The following SLC47A2 variants were observed in gnomAD, a reference collection of about 807,000 sequenced individuals.
SLC47A2 encodes the protein solute carrier family 47 member 2, also known as multidrug and toxin extrusion protein 2.
Under a neutral mutation model 67.7 loss-of-function variants are expected in SLC47A2, and 52 were observed. That is an observed-to-expected ratio of 0.77 (90% confidence interval 0.61 to 0.97). The LOEUF (loss-of-function observed/expected upper bound fraction) is 0.97. Among genes scored for constraint, SLC47A2 ranks in the 50% least tolerant of loss-of-function variants. The probability of loss-of-function intolerance (pLI) is 0.00; values close to 1 mark genes in which losing one functional copy is unlikely to be tolerated. For missense variants in SLC47A2, 676 were observed against 712.3 expected (o/e 0.95, Z 0.58); for synonymous variants, 278 against 292.9 (o/e 0.95, Z 0.52).
At chr17:19,694,172 A>G (rs1470026286) in intron 13 of SLC47A2, among the ~76,000 whole-genome samples, 3 of 152,336 alleles carry the variant, frequency 2.0e-5, no homozygotes, top group East Asian at 3.9e-4. Context: ...GGAGGCCTCA[A>G]TATTGTTAAG....
chr17:19,702,460 G>C (rs932324953), intron 13 of SLC47A2, 145 bp downstream of exon 13: 13 of 1,453,556 alleles, frequency 8.9e-6, no homozygotes, highest in Middle Eastern at 4.5e-4. Context: ...ACTATTATCA[G>C]CAAATACTTT....
chr17:19,707,942 A>T, intron 7 of SLC47A2, 99 bp from the exon 8 acceptor site: 1 of 1,130,390 alleles, frequency 8.8e-7, no homozygotes, highest in Non-Finnish European at 1.3e-6. Context: ...CGTGTGGGGC[A>T]GGCATGGCTC....
At chr17:19,712,571 T>C in intron 5 of SLC47A2, 132 bp downstream of exon 5, 1 of 875,880 alleles carries the variant, frequency 1.1e-6, no homozygotes, top group East Asian at 2.6e-5. Context: ...ACGGGAACTT[T>C]TGTCAGTCAC....
intron 13 of SLC47A2, among the ~76,000 whole-genome samples, chr17:19,690,809 A>G (rs1212813376): frequency 6.6e-6 from 1 of 152,024 alleles, no homozygotes. Context: ...GATGCTAGGG[A>G]GGACATGAAG....
chr17:19,681,507 A>G, intron 14 of SLC47A2, 31 bp downstream of exon 14: 1 of 1,614,192 alleles, frequency 6.2e-7, no homozygotes, highest in Non-Finnish European at 8.5e-7. Flanking sequence ...ACGACCACCC[A>G]GGCCTCTCCC....
intron 13 of SLC47A2, among the ~76,000 whole-genome samples, chr17:19,687,307 T>C (rs1246556310): frequency 2.0e-5 from 3 of 152,158 alleles, no homozygotes; most frequent in Non-Finnish European, 4.4e-5. Context: ...AGAGAGTTTA[T>C]AGGAATAAAC....
rs2085317982 is a variant in SLC47A2 at position 19,681,662 on chromosome 17, A to G, written c.1173T>C (p.Tyr391=). 2.5e-6 allele frequency: 4 copies of G among 1,612,592 alleles called. No homozygotes were observed. The highest frequency in any genetic ancestry group is 2.7e-5 in the African/African-American group (2 of 75,030). ...FHVFEAICCV[Y]GGVLRGTGKQ... ...TCCCAGTTCCTCTCAGAACTCCGCCATAGACACACTAGGAGGGGAGACAGA... is the reference window on the plus strand; with the variant it reads ...TCCCAGTTCCTCTCAGAACTCCGCCGTAGACACACTAGGAGGGGAGACAGA... The change falls in exon 14 of 17, where the codon TAT becomes TAC. Residue 391 remains tyrosine (Y), a synonymous_variant. Transcript: ENST00000433844.
At chr17:19,716,336 A>G in intron 1 of SLC47A2, 97 bp downstream of exon 1, 4 of 1,466,154 alleles carry the variant, frequency 2.7e-6, no homozygotes, top group Non-Finnish European at 3.6e-6. Flanking sequence ...TTCTGGGGAA[A>G]ATGTGAGCAC....
At chr17:19,691,756 T>C (rs981964654) in intron 13 of SLC47A2, among the ~76,000 whole-genome samples, 1 of 152,252 alleles carries the variant, frequency 6.6e-6, no homozygotes, top group Non-Finnish European at 1.5e-5. Context: ...TTGGATTGAT[T>C]GTAGCACAAA....
chr17:19,709,444 T>C (rs1191607246), intron 5 of SLC47A2, among the ~76,000 whole-genome samples: 1 of 152,166 alleles, frequency 6.6e-6, no homozygotes, highest in Non-Finnish European at 1.5e-5. Context: ...ATTTTCAGCA[T>C]AGTGTACTGA....
At chr17:19,709,658 TA>T (rs2086043784) in intron 5 of SLC47A2, among the ~76,000 whole-genome samples, 1 of 152,200 alleles carries the variant, frequency 6.6e-6, no homozygotes, top group South Asian at 2.1e-4. Flanking sequence ...GCAAAGTGCT[TA>T]CCAAATGATA....
At chr17:19,704,265 A>G in intron 10 of SLC47A2, 87 bp from the exon 11 acceptor site, 3 of 1,082,314 alleles carry the variant, frequency 2.8e-6, no homozygotes, top group Admixed American at 2.5e-5. Flanking sequence ...GAGGGACGTG[A>G]GCGGGAAGGC....
chr17:19,708,938 C>T (rs959365913), intron 5 of SLC47A2, among the ~76,000 whole-genome samples, 178 bp from the exon 6 acceptor site: 5 of 152,244 alleles, frequency 3.3e-5, no homozygotes, highest in East Asian at 1.9e-4. Flanking sequence ...GACTCATGCT[C>T]GGGCCCAGCC....
At chr17:19,715,028 C>G in intron 2 of SLC47A2, 88 bp downstream of exon 2, 6 of 1,437,282 alleles carry the variant, frequency 4.2e-6, no homozygotes, top group Non-Finnish European at 5.8e-6. Flanking sequence ...CCATCCCTGA[C>G]CAGCCACCCA....
At chr17:19,703,530 G>A (rs2085844950) in intron 11 of SLC47A2, among the ~76,000 whole-genome samples, 2 of 152,256 alleles carry the variant, frequency 1.3e-5, no homozygotes, top group Non-Finnish European at 2.9e-5. Flanking sequence ...AGCCCTCCAA[G>A]GGGATTCCAG....
intron 3 of SLC47A2, among the ~76,000 whole-genome samples, chr17:19,714,240 C>CA (rs1055267402): frequency 6.6e-6 from 1 of 152,194 alleles, no homozygotes; most frequent in Non-Finnish European, 1.5e-5. Flanking sequence ...TAAGTGGAGC[C>CA]AGGACAAAGC....
chr17:19,679,490 C>T (rs963919809), intron 16 of SLC47A2, among the ~76,000 whole-genome samples: 24 of 152,004 alleles, frequency 1.6e-4, no homozygotes, highest in Non-Finnish European at 2.9e-4. Flanking sequence ...ATAGCAGGTG[C>T]CCCCCCAAAG....
In SLC47A2 at chr17:19,702,592, A is replaced by C; in HGVS notation, c.1164+13T>G. 1.4e-5 allele frequency: 22 copies of C among 1,613,704 alleles called. No individual in the cohort carries two copies. Among genetic ancestry groups the C allele is most frequent in the Non-Finnish European group, 1.8e-5 (21 of 1,179,888 alleles). ...TCCCAGGGAGTCAGGCTTTGGATCA[A>C]AGTGGTACTTACACAGATGGCCTCA... On this transcript the variant is annotated intron_variant, in intron 13 of 16. Transcript: ENST00000433844.
intron 13 of SLC47A2, chr17:19,692,227 C>CAAAA: frequency 8.2e-6 from 3 of 364,950 alleles, no homozygotes; most frequent in Non-Finnish European, 1.0e-5. Flanking sequence ...GACTCCATGT[C>CAAAA]AAAAAAAAAA....
Sources: allele counts gnomAD v4.1 joint callset (sites outside exome capture counted in the v4.1 genomes callset), GRCh38; gene constraint gnomAD v4.1.1; transcripts MANE v1.5; gene names NCBI Gene and HGNC (gene_info 2026-07-23, HGNC 2026-07-21).